The following KDM4C variants were observed in gnomAD, a reference collection of about 807,000 sequenced individuals.
The protein encoded by KDM4C is lysine demethylase 4C, also known as lysine-specific demethylase 4C.
KDM4C carries 81 observed loss-of-function variants against 129.3 expected under a neutral mutation model. That is an observed-to-expected ratio of 0.63 (90% CI 0.52 to 0.75). KDM4C has a LOEUF of 0.75. Among genes scored for constraint, KDM4C ranks in the 30% least tolerant of loss-of-function variants. The probability of loss-of-function intolerance (pLI) is 0.00; values close to 1 mark genes in which losing one functional copy is unlikely to be tolerated. For missense variants in KDM4C, 1,457 were observed against 1,304.0 expected, an observed-to-expected ratio of 1.12 and a Z score of -1.81; for synonymous variants, 573 against 456.1, an observed-to-expected ratio of 1.26 and a Z score of -3.26.
chr9:7,028,954 A>G (rs1422662718), intron 15 of KDM4C, among the ~76,000 whole-genome samples: 1 of 152,138 alleles, frequency 6.6e-6, no homozygotes, highest in South Asian at 2.1e-4. Context: ...TGTTTCTCCT[A>G]CCGTCTTCAG....
intron 4 of KDM4C, among the ~76,000 whole-genome samples, chr9:6,844,296 G>A (rs952522562): frequency 6.6e-6 from 1 of 151,904 alleles, no homozygotes; most frequent in Non-Finnish European, 1.5e-5. Flanking sequence ...TATTTTTAGT[G>A]ACATAATCAA....
intron 17 of KDM4C, among the ~76,000 whole-genome samples, chr9:7,083,449 T>C (rs1238009524): frequency 1.3e-5 from 2 of 152,090 alleles, no homozygotes; most frequent in Non-Finnish European, 2.9e-5. Context: ...TGTGCAAACA[T>C]AGAGTGTGCC....
intron 8 of KDM4C, among the ~76,000 whole-genome samples, chr9:6,940,437 G>T (rs1390745934): frequency 6.6e-6 from 1 of 152,156 alleles, no homozygotes; most frequent in Non-Finnish European, 1.5e-5. Context: ...GATGAGTATA[G>T]CTTTTAAAAT....
chr9:7,129,251 T>A (rs1208297684), intron 19 of KDM4C, among the ~76,000 whole-genome samples: 3 of 152,352 alleles, frequency 2.0e-5, no homozygotes, highest in South Asian at 2.1e-4. Context: ...CTAAAGACAG[T>A]TTCTAGGATT....
chr9:7,144,691 C>T (rs1842060412), intron 19 of KDM4C, among the ~76,000 whole-genome samples: 1 of 152,250 alleles, frequency 6.6e-6, no homozygotes, highest in Non-Finnish European at 1.5e-5. Context: ...TGGCGTGGAG[C>T]ACCACCTGTG....
At chr9:7,059,194 G>C (rs1732112022) in intron 17 of KDM4C, among the ~76,000 whole-genome samples, 1 of 152,164 alleles carries the variant, frequency 6.6e-6, no homozygotes, top group Non-Finnish European at 1.5e-5. Context: ...CTGTCACCCA[G>C]GTGGGAGTGC....
At chr9:7,158,888 G>A (rs1259526995) in intron 19 of KDM4C, among the ~76,000 whole-genome samples, 1 of 152,116 alleles carries the variant, frequency 6.6e-6, no homozygotes, top group Admixed American at 6.5e-5. Flanking sequence ...TCAAGTCCTG[G>A]ATATCCTTGT....
At chr9:7,048,040 C>T (rs954400050) in intron 16 of KDM4C, among the ~76,000 whole-genome samples, 1 of 151,924 alleles carries the variant, frequency 6.6e-6, no homozygotes, top group African/African-American at 2.4e-5. Flanking sequence ...GTAGGGTTTG[C>T]TTAATTTTTG....
At chr9:7,148,248 C>G (rs1377519656) in intron 19 of KDM4C, among the ~76,000 whole-genome samples, 4 of 152,244 alleles carry the variant, frequency 2.6e-5, no homozygotes, top group Non-Finnish European at 5.9e-5. Flanking sequence ...TGTGTTACAG[C>G]CCTGGCTTGG....
chr9:7,009,552 G>A (rs913657532), intron 12 of KDM4C, among the ~76,000 whole-genome samples: 9 of 152,090 alleles, frequency 5.9e-5, no homozygotes, highest in African/African-American at 1.9e-4. Context: ...CTGTAAGTAT[G>A]AGGTAGTCAA....
intron 1 of KDM4C, among the ~76,000 whole-genome samples, chr9:6,747,025 A>G (rs1216055018): frequency 6.8e-6 from 1 of 147,564 alleles, no homozygotes; most frequent in Non-Finnish European, 1.5e-5. Context: ...AAAAAAAAAA[A>G]AAAAGAAAAA....
chr9:6,921,689 T>C (rs1007506591), intron 8 of KDM4C, among the ~76,000 whole-genome samples: 1 of 152,210 alleles, frequency 6.6e-6, no homozygotes, highest in African/African-American at 2.4e-5. Context: ...ATACTTCTGC[T>C]CAGAATCTCC....
chr9:6,817,683 A>G (rs1213181722), intron 4 of KDM4C, among the ~76,000 whole-genome samples: 1 of 152,108 alleles, frequency 6.6e-6, no homozygotes, highest in Non-Finnish European at 1.5e-5. Flanking sequence ...GTATATGTAC[A>G]TGTAGGAAAA....
At position 6,888,781 on chromosome 9, in the gene KDM4C, GTTTTTTTTTTTT is replaced by G. The variant is rs779606475; in HGVS notation, c.783+731_783+742del. Reference sequence around the variant, plus strand: ...AAAAAATAGCTCTTCCTTCTTCTGTGTTTTTTTTTTTTTTTTTTTTTTTTGAGACGGAGTCTC... The same window carrying G: ...AAAAAATAGCTCTTCCTTCTTCTGTGTTTTTTTTTTTTGAGACGGAGTCTC... On this transcript the variant is annotated intron_variant, in intron 7 of 21. Coordinates refer to ENST00000381309, the MANE Select transcript of KDM4C (RefSeq NM_015061.6). 2.6e-5 allele frequency among the ~76,000 whole-genome samples: 3 copies of G among 114,986 alleles called. 1 individual carries two copies. Among genetic ancestry groups the G allele is most frequent in the African/African-American group, 6.2e-5 (2 of 32,236 alleles). 75.4% of individuals were successfully genotyped at this position (114,986 alleles called of 152,430 possible).
chr9:7,153,313 AG>A (rs1263911053), intron 19 of KDM4C, among the ~76,000 whole-genome samples: 1 of 152,198 alleles, frequency 6.6e-6, no homozygotes, highest in Non-Finnish European at 1.5e-5. Context: ...ATGTTTAACA[AG>A]CAGTCCAAAG....
At chr9:6,957,054 C>T (rs1563882603) in intron 8 of KDM4C, among the ~76,000 whole-genome samples, 3 of 152,240 alleles carry the variant, frequency 2.0e-5, no homozygotes, top group South Asian at 2.1e-4. Flanking sequence ...CTTTGCTGAC[C>T]CACTTCATAG....
chr9:6,945,266 T>C (rs1826758268), intron 8 of KDM4C, among the ~76,000 whole-genome samples: 1 of 152,212 alleles, frequency 6.6e-6, no homozygotes, highest in Non-Finnish European at 1.5e-5. Context: ...AACATGAATA[T>C]AATTTATCTT....
Position 6,880,068 on chromosome 9 carries a change from C to G in KDM4C, c.679+7C>G, listed in dbSNP as rs777906158. Reference sequence around the variant, plus strand: ...CTTGAAAGACTAGCTCAAGGTAAAACTTGCTTTTTAAATTTGTTTTCTGTG... The same window carrying G: ...CTTGAAAGACTAGCTCAAGGTAAAAGTTGCTTTTTAAATTTGTTTTCTGTG... On this transcript the variant is annotated splice_region_variant and intron_variant, in intron 6 of 21. Transcript: ENST00000381309. The G allele has an allele frequency of 1.3e-6, 2 of 1,585,796 alleles. No homozygotes were observed. Among genetic ancestry groups the G allele is most frequent in the Middle Eastern group, 1.8e-4 (1 of 5,508 alleles).
chr9:6,835,404 C>T (rs183101365), intron 4 of KDM4C: 61 of 1,142,728 alleles, frequency 5.3e-5, no homozygotes, highest in Middle Eastern at 3.9e-4. Context: ...AGGAGATCAC[C>T]GCCCTGGCGC....
Sources: allele counts gnomAD v4.1 joint callset (sites outside exome capture counted in the v4.1 genomes callset), GRCh38; gene constraint gnomAD v4.1.1; transcripts MANE v1.5; gene names NCBI Gene and HGNC (gene_info 2026-07-23, HGNC 2026-07-21).